CACHD1: variants seen among roughly 807,000 people sequenced by gnomAD.
CACHD1 encodes the protein VWFA and cache domain-containing protein 1.
CACHD1 carries 71 observed loss-of-function variants against 138.7 expected under a neutral mutation model. That is an observed-to-expected ratio of 0.51 (90% confidence interval 0.42 to 0.62). The LOEUF is 0.62. Among genes scored for constraint, CACHD1 ranks in the 20% least tolerant of loss-of-function variants. The probability of loss-of-function intolerance (pLI) is 0.00; values close to 1 mark genes in which losing one functional copy is unlikely to be tolerated. For synonymous variants in CACHD1, 578 were observed against 591.5 expected, an observed-to-expected ratio of 0.98 and a Z score of 0.33; for missense variants, 1,389 against 1,625.3, an observed-to-expected ratio of 0.85 and a Z score of 2.50.
intron 2 of CACHD1, among the ~76,000 whole-genome samples, chr1:64,565,551 T>C (rs1179106916): frequency 6.6e-6 from 1 of 152,188 alleles, no homozygotes; most frequent in Non-Finnish European, 1.5e-5. Context: ...GGTCTGACTC[T>C]ACAGAAAAGA....
chr1:64,550,142 A>G (rs536422350), intron 1 of CACHD1, among the ~76,000 whole-genome samples: 4 of 152,324 alleles, frequency 2.6e-5, no homozygotes, highest in Admixed American at 2.0e-4. Context: ...CGAAGGTGAT[A>G]GATAATATTG....
In CACHD1 at chr1:64,561,887, G is replaced by A. The variant is rs182079028; in HGVS notation, c.261+11231G>A. Reference sequence around the variant, plus strand: ...AAAAAAAAAAAAAAGTTTCTATTTTGCCTTTTTTCTTAAAAGATATTTTTG... The same window carrying A: ...AAAAAAAAAAAAAAGTTTCTATTTTACCTTTTTTCTTAAAAGATATTTTTG... On this transcript the variant is annotated intron_variant, in intron 2 of 26. Transcript: ENST00000651257. Among the ~76,000 whole-genome samples, 733 of 144,620 alleles carry A rather than the reference G, an allele frequency of 5.1e-3. 9 individuals carry two copies. Among genetic ancestry groups the A allele is most frequent in the African/African-American group, 0.018 (700 of 39,990 alleles). 94.9% of individuals were successfully genotyped at this position (144,620 alleles called of 152,430 possible).
At chr1:64,619,212 G>GA (rs1291436350) in intron 4 of CACHD1, among the ~76,000 whole-genome samples, 10 of 152,152 alleles carry the variant, frequency 6.6e-5, no homozygotes, top group Non-Finnish European at 1.5e-5. Flanking sequence ...CCATCTGTTA[G>GA]AATTATTCAT....
chr1:64,680,427 A>G (rs959783999), intron 24 of CACHD1, among the ~76,000 whole-genome samples: 2 of 152,058 alleles, frequency 1.3e-5, no homozygotes, highest in East Asian at 1.9e-4. Context: ...GATGGAAGCT[A>G]CAGTGAGCCA....
At chr1:64,550,998 G>A (rs12408795) in intron 2 of CACHD1, among the ~76,000 whole-genome samples, 90,238 of 152,002 alleles carry the variant, frequency 0.59, 29,808 homozygotes, top group Non-Finnish European at 0.72. Flanking sequence ...CAGACCCCAC[G>A]TCAAATTCTG....
intron 3 of CACHD1, among the ~76,000 whole-genome samples, chr1:64,594,335 A>G (rs77670377): frequency 9.2e-5 from 14 of 152,292 alleles, no homozygotes; most frequent in Non-Finnish European, 1.9e-4. Flanking sequence ...CTGATTCCAA[A>G]TGCTGTTTTC....
chr1:64,578,718 A>G (rs1393191995), intron 2 of CACHD1, among the ~76,000 whole-genome samples: 1 of 152,212 alleles, frequency 6.6e-6, no homozygotes, highest in East Asian at 1.9e-4. Context: ...GGAGCTGCCA[A>G]CTAAGCACTG....
chr1:64,525,786 T>C (rs1002019267), intron 1 of CACHD1, among the ~76,000 whole-genome samples: 4 of 152,220 alleles, frequency 2.6e-5, no homozygotes, highest in African/African-American at 9.6e-5. Flanking sequence ...CTATGAAGGA[T>C]TGCTAACTTT....
At chr1:64,477,519 C>G (rs1646180484) in intron 1 of CACHD1, among the ~76,000 whole-genome samples, 1 of 151,564 alleles carries the variant, frequency 6.6e-6, no homozygotes, top group Non-Finnish European at 1.5e-5. Flanking sequence ...CCAGCTTAGA[C>G]AGTTATTAAT....
At chr1:64,679,281 G>T (rs1650090586) in intron 23 of CACHD1, among the ~76,000 whole-genome samples, 1 of 152,156 alleles carries the variant, frequency 6.6e-6, no homozygotes, top group African/African-American at 2.4e-5. Context: ...TCATACCCCA[G>T]GGAGCTAGGA....
At chr1:64,665,812 C>A (rs985306534) in intron 15 of CACHD1, among the ~76,000 whole-genome samples, 3 of 151,854 alleles carry the variant, frequency 2.0e-5, no homozygotes, top group Non-Finnish European at 2.9e-5. Context: ...GTCAGGAGAT[C>A]GAGACCACGG....
chr1:64,677,064 C>G, intron 22 of CACHD1, 53 bp downstream of exon 22: 3 of 1,362,348 alleles, frequency 2.2e-6, no homozygotes, highest in Non-Finnish European at 3.1e-6. Flanking sequence ...TTTATTATTC[C>G]TACTCTTCGT....
chr1:64,536,221 C>G (rs1006564429), intron 1 of CACHD1, among the ~76,000 whole-genome samples: 2 of 152,024 alleles, frequency 1.3e-5, no homozygotes, highest in African/African-American at 2.4e-5. Flanking sequence ...TTTATTATAC[C>G]CATTTTTGGA....
intron 1 of CACHD1, among the ~76,000 whole-genome samples, chr1:64,518,891 G>A (rs1198552052): frequency 6.6e-6 from 1 of 152,068 alleles, no homozygotes; most frequent in Admixed American, 6.6e-5. Context: ...TTTCTGTCAG[G>A]CTATTTACAA....
intron 1 of CACHD1, among the ~76,000 whole-genome samples, chr1:64,504,743 T>G (rs1206201928): frequency 6.6e-6 from 1 of 152,160 alleles, no homozygotes; most frequent in East Asian, 1.9e-4. Context: ...TCCCCTCCTT[T>G]GCAAATTGTA....
At chr1:64,680,555 T>C (rs933415474) in intron 24 of CACHD1, among the ~76,000 whole-genome samples, 41 of 152,076 alleles carry the variant, frequency 2.7e-4, no homozygotes, top group African/African-American at 9.4e-4. Flanking sequence ...CAATACCACG[T>C]GCAGTATCTA....
At chr1:64,597,279 G>A (rs902095417) in intron 3 of CACHD1, among the ~76,000 whole-genome samples, 1 of 152,044 alleles carries the variant, frequency 6.6e-6, no homozygotes, top group African/African-American at 2.4e-5. Flanking sequence ...TCTCCTGCTT[G>A]TAAATCCTGT....
chr1:64,550,997 C>T (rs536756610), intron 2 of CACHD1, among the ~76,000 whole-genome samples: 4 of 152,284 alleles, frequency 2.6e-5, no homozygotes, highest in South Asian at 2.1e-4. Flanking sequence ...ACAGACCCCA[C>T]GTCAAATTCT....
chr1:64,608,588 A>G (rs754540182), intron 4 of CACHD1, among the ~76,000 whole-genome samples: 6 of 152,138 alleles, frequency 3.9e-5, no homozygotes, highest in South Asian at 2.1e-4. Flanking sequence ...TCCAACACAT[A>G]TGTGTATTCT....
Sources: allele counts gnomAD v4.1 joint callset (sites outside exome capture counted in the v4.1 genomes callset), GRCh38; gene constraint gnomAD v4.1.1; transcripts MANE v1.5; gene names NCBI Gene and HGNC (gene_info 2026-07-23, HGNC 2026-07-21).